The following TRHDE variants were observed in gnomAD, a reference collection of about 807,000 sequenced individuals.
TRHDE encodes the protein thyrotropin-releasing hormone-degrading ectoenzyme.
A neutral mutation model predicts 125.7 loss-of-function variants in TRHDE; 72 were observed. That is an observed-to-expected ratio of 0.57 (90% CI 0.47 to 0.70). TRHDE has a LOEUF of 0.70. TRHDE is among the 30% of genes least tolerant of loss of function. The probability of loss-of-function intolerance (pLI) is 0.00; values close to 1 mark genes in which losing one functional copy is unlikely to be tolerated. For synonymous variants in TRHDE, 509 were observed against 509.1 expected, an observed-to-expected ratio of 1.00 and a Z score of 0.00; for missense variants, 1,110 against 1,327.1, an observed-to-expected ratio of 0.84 and a Z score of 2.54.
intron 2 of TRHDE, among the ~76,000 whole-genome samples, chr12:72,107,839 C>T (rs1875223771): frequency 6.7e-6 from 1 of 149,172 alleles, no homozygotes; most frequent in South Asian, 2.1e-4. Flanking sequence ...CTAATTTAGA[C>T]ATTTTTTGAA....
At chr12:72,547,949 T>G (rs1239163209) in intron 7 of TRHDE, among the ~76,000 whole-genome samples, 1 of 151,886 alleles carries the variant, frequency 6.6e-6, no homozygotes, top group African/African-American at 2.4e-5. Context: ...TATACACATC[T>G]CCAAATTCCT....
At chr12:72,547,151 GT>G (rs5799079) in intron 7 of TRHDE, among the ~76,000 whole-genome samples, 22,069 of 143,646 alleles carry the variant, frequency 0.15, 1,714 homozygotes, top group Middle Eastern at 0.26. Flanking sequence ...ATTTTTACTT[GT>G]TTTTTTTTTT....
At chr12:72,102,744 C>G (rs1421853534) in intron 1 of TRHDE, among the ~76,000 whole-genome samples, 1 of 152,164 alleles carries the variant, frequency 6.6e-6, no homozygotes, top group Non-Finnish European at 1.5e-5. Flanking sequence ...TGAAGATGAA[C>G]ATGAGGCTGA....
At chr12:72,228,679 A>G (rs1878185853) in intron 2 of TRHDE, among the ~76,000 whole-genome samples, 1 of 152,188 alleles carries the variant, frequency 6.6e-6, no homozygotes, top group Non-Finnish European at 1.5e-5. Flanking sequence ...CCTTTTAAAC[A>G]TGAGTTCCAA....
intron 3 of TRHDE, among the ~76,000 whole-genome samples, chr12:72,456,728 T>C (rs1387107777): frequency 6.6e-6 from 1 of 152,162 alleles, no homozygotes; most frequent in African/African-American, 2.4e-5. Context: ...TTTCCCGTTA[T>C]GGGTGCAAAG....
chr12:72,107,332 G>T (rs1333989688), intron 2 of TRHDE, among the ~76,000 whole-genome samples: 1 of 152,068 alleles, frequency 6.6e-6, no homozygotes, highest in African/African-American at 2.4e-5. Context: ...GCTTCTCACT[G>T]ATAGAAATCT....
chr12:72,268,419 A>T (rs369380831), upstream of TRHDE, among the ~76,000 whole-genome samples: 1 of 152,266 alleles, frequency 6.6e-6, no homozygotes, highest in Admixed American at 6.5e-5. Context: ...TCTGTACTGT[A>T]TATTTTTCAC....
intron 5 of TRHDE, among the ~76,000 whole-genome samples, chr12:72,481,049 C>A (rs1877145032): frequency 6.6e-6 from 1 of 151,826 alleles, no homozygotes; most frequent in Non-Finnish European, 1.5e-5. Flanking sequence ...AAGCCTCTAG[C>A]ATGAACATAG....
intron 2 of TRHDE, among the ~76,000 whole-genome samples, chr12:72,230,345 G>A (rs186022407): frequency 7.2e-5 from 11 of 152,164 alleles, no homozygotes; most frequent in Non-Finnish European, 1.3e-4. Context: ...AGCAGCTGTC[G>A]TAACAGTTGC....
chr12:72,142,247 T>C (rs78374520), intron 2 of TRHDE, among the ~76,000 whole-genome samples: 11,329 of 152,114 alleles, frequency 0.074, 728 homozygotes, highest in African/African-American at 0.16. Context: ...GGTTAAAGGC[T>C]CTTTTCTCTC....
chr12:72,512,181 T>C (rs1334546445), intron 6 of TRHDE, among the ~76,000 whole-genome samples: 1 of 151,850 alleles, frequency 6.6e-6, no homozygotes, highest in African/African-American at 2.4e-5. Flanking sequence ...ATGTAACCCT[T>C]AGCTTGCAAA....
At chr12:72,486,610 A>G (rs931761725) in intron 5 of TRHDE, among the ~76,000 whole-genome samples, 1 of 152,188 alleles carries the variant, frequency 6.6e-6, no homozygotes, top group Non-Finnish European at 1.5e-5. Context: ...ATGGAACCAG[A>G]GCAACTTCAC....
intron 2 of TRHDE, among the ~76,000 whole-genome samples, chr12:72,351,077 G>A (rs1041809707): frequency 6.6e-6 from 1 of 151,882 alleles, no homozygotes; most frequent in African/African-American, 2.4e-5. Context: ...TGGAGAAAAG[G>A]GTTAGAAAAA....
At chr12:72,227,803 G>A (rs1268759815) in intron 2 of TRHDE, among the ~76,000 whole-genome samples, 1 of 152,152 alleles carries the variant, frequency 6.6e-6, no homozygotes, top group African/African-American at 2.4e-5. Context: ...TGACAAATTG[G>A]CCAAAATGAA....
At chr12:72,304,643 A>G (rs953397809) in intron 2 of TRHDE, among the ~76,000 whole-genome samples, 1 of 152,206 alleles carries the variant, frequency 6.6e-6, no homozygotes, top group Non-Finnish European at 1.5e-5. Flanking sequence ...GTCTTAAAGC[A>G]ATGTCTGTCT....
chr12:72,143,391 G>C (rs371756607), intron 2 of TRHDE, among the ~76,000 whole-genome samples: 112 of 152,166 alleles, frequency 7.4e-4, no homozygotes, highest in Middle Eastern at 6.8e-3. Flanking sequence ...GGAGGAAGGA[G>C]GGAAAGGCCT....
intron 3 of TRHDE, among the ~76,000 whole-genome samples, chr12:72,428,129 T>A (rs1261620598): frequency 6.6e-6 from 1 of 152,174 alleles, no homozygotes; most frequent in African/African-American, 2.4e-5. Flanking sequence ...ATATGTAATT[T>A]TGCAAAGATT....
chr12:72,342,152 G>A (rs1220497137), intron 2 of TRHDE, among the ~76,000 whole-genome samples: 1 of 152,010 alleles, frequency 6.6e-6, no homozygotes, highest in Non-Finnish European at 1.5e-5. Flanking sequence ...CTTTCAAATT[G>A]TGTTTTACTG....
chr12:72,368,918 G>A (rs1367790503), intron 2 of TRHDE, among the ~76,000 whole-genome samples: 2 of 151,976 alleles, frequency 1.3e-5, no homozygotes, highest in South Asian at 2.1e-4. Flanking sequence ...GGCATTTCAC[G>A]GATTACAGCA....
Sources: allele counts gnomAD v4.1 joint callset (sites outside exome capture counted in the v4.1 genomes callset), GRCh38; gene constraint gnomAD v4.1.1; transcripts MANE v1.5; gene names NCBI Gene and HGNC (gene_info 2026-07-23, HGNC 2026-07-21).